NOS1AP: variants seen among roughly 807,000 people sequenced by gnomAD.
The protein encoded by NOS1AP is carboxyl-terminal PDZ ligand of neuronal nitric oxide synthase protein.
In NOS1AP, 21 loss-of-function variants were observed where a neutral mutation model predicts 56.2. The ratio of observed to expected loss-of-function variants is 0.37; its 90% CI spans 0.26 to 0.54. The LOEUF (loss-of-function observed/expected upper bound fraction) is 0.54. Among genes scored for constraint, NOS1AP ranks in the 20% least tolerant of loss-of-function variants. The pLI is 0.84. For synonymous variants in NOS1AP, 270 were observed against 274.6 expected, an observed-to-expected ratio of 0.98 and a Z score of 0.17; for missense variants, 522 against 657.8, an observed-to-expected ratio of 0.79 and a Z score of 2.26.
intron 2 of NOS1AP, among the ~76,000 whole-genome samples, chr1:162,254,204 A>G (rs1397262249): frequency 6.6e-6 from 1 of 152,204 alleles, no homozygotes; most frequent in Non-Finnish European, 1.5e-5. Context: ...TTCTTGGTCA[A>G]TGCCTATAGA....
At chr1:162,118,952 G>A (rs976889465) in intron 1 of NOS1AP, among the ~76,000 whole-genome samples, 2 of 152,082 alleles carry the variant, frequency 1.3e-5, no homozygotes, top group African/African-American at 4.8e-5. Context: ...ATTTCAGGGA[G>A]CCCATAGACC....
At chr1:162,137,444 C>A (rs996350943) in intron 1 of NOS1AP, among the ~76,000 whole-genome samples, 5 of 152,158 alleles carry the variant, frequency 3.3e-5, no homozygotes, top group Non-Finnish European at 7.3e-5. Flanking sequence ...TGGTACCCAT[C>A]ACCATGGTTT....
chr1:162,108,108 C>T (rs751351153), intron 1 of NOS1AP, among the ~76,000 whole-genome samples: 3 of 152,146 alleles, frequency 2.0e-5, no homozygotes, highest in South Asian at 2.1e-4. Context: ...ATGAGCATTC[C>T]TTGTGCCAGA....
At chr1:162,220,427 G>A (rs568620144) in intron 2 of NOS1AP, among the ~76,000 whole-genome samples, 28 of 152,266 alleles carry the variant, frequency 1.8e-4, no homozygotes, top group Non-Finnish European at 3.1e-4. Context: ...GAACACAGGT[G>A]TCCAGAGTGC....
chr1:162,256,263 TAC>T (rs896963664), intron 2 of NOS1AP, among the ~76,000 whole-genome samples: 93 of 152,314 alleles, frequency 6.1e-4, no homozygotes, highest in African/African-American at 2.2e-3. Context: ...CTGGCATTAT[TAC>T]AGAGTGTCTG....
intron 2 of NOS1AP, among the ~76,000 whole-genome samples, chr1:162,180,712 A>G (rs1651228722): frequency 6.6e-6 from 1 of 152,138 alleles, no homozygotes; most frequent in Non-Finnish European, 1.5e-5. Flanking sequence ...CCGGGAACTC[A>G]GTTCTGCCAA....
intron 1 of NOS1AP, among the ~76,000 whole-genome samples, chr1:162,125,130 C>CTTTTTTTTT (rs56264198): frequency 2.6e-4 from 32 of 124,136 alleles, no homozygotes; most frequent in African/African-American, 9.4e-4. Context: ...GTTTCTGACT[C>CTTTTTTTTT]TTTTTTTTTT....
rs983072601 is a variant in NOS1AP at position 162,177,287 on chromosome 1, C to T, written c.177+22811C>T. Among the ~76,000 whole-genome samples the T allele has an allele frequency of 2.4e-4, 37 of 152,166 alleles. 1 individual carries two copies. The highest frequency in any genetic ancestry group is 2.3e-3 in the Admixed American group (35 of 15,280). On this transcript the variant is annotated intron_variant, in intron 2 of 9. Coordinates refer to ENST00000361897, the MANE Select transcript of NOS1AP (RefSeq NM_014697.3). ...TTAATTAGGAACTTAACCCTGATTC[C>T]TGAAAGCAGTTTTCACGTGACTTTG...
chr1:162,366,994 C>T (rs1282486770), intron 9 of NOS1AP, 58 bp from the exon 10 acceptor site: 1 of 1,606,410 alleles, frequency 6.2e-7, no homozygotes, highest in Non-Finnish European at 8.5e-7. Flanking sequence ...AGGCGGGCAT[C>T]CCAAATCAAC....
intron 2 of NOS1AP, among the ~76,000 whole-genome samples, chr1:162,187,920 A>G (rs1400589683): frequency 6.6e-6 from 1 of 152,188 alleles, no homozygotes; most frequent in Non-Finnish European, 1.5e-5. Context: ...TCATGAGACC[A>G]TGTAGCAATC....
intron 2 of NOS1AP, among the ~76,000 whole-genome samples, chr1:162,233,924 T>A (rs1289146932): frequency 6.6e-6 from 1 of 152,252 alleles, no homozygotes; most frequent in East Asian, 1.9e-4. Flanking sequence ...TCTTTTTTCC[T>A]TTAAAATTCA....
intron 2 of NOS1AP, among the ~76,000 whole-genome samples, chr1:162,225,442 T>G (rs1240702046): frequency 2.6e-5 from 4 of 152,202 alleles, no homozygotes; most frequent in African/African-American, 9.7e-5. Context: ...TTCCTGCCTG[T>G]AAGATGGGTA....
At chr1:162,286,931 A>C (rs1349371224) in intron 2 of NOS1AP, among the ~76,000 whole-genome samples, 2 of 152,180 alleles carry the variant, frequency 1.3e-5, no homozygotes. Flanking sequence ...CCCTGATGTG[A>C]AGATTGGTTC....
chr1:162,168,010 A>AAAAC (rs1553192040), intron 2 of NOS1AP, among the ~76,000 whole-genome samples: 1 of 151,960 alleles, frequency 6.6e-6, no homozygotes, highest in African/African-American at 2.4e-5. Context: ...AAAAAAAAAA[A>AAAAC]AAATACCAGT....
At chr1:162,221,036 G>T (rs913340059) in intron 2 of NOS1AP, among the ~76,000 whole-genome samples, 2 of 152,126 alleles carry the variant, frequency 1.3e-5, no homozygotes, top group African/African-American at 4.8e-5. Flanking sequence ...CCACCTCTCG[G>T]GTTCAAGTGA....
intron 1 of NOS1AP, among the ~76,000 whole-genome samples, chr1:162,123,071 A>T (rs1262546637): frequency 1.3e-5 from 2 of 152,216 alleles, no homozygotes; most frequent in African/African-American, 4.8e-5. Context: ...TGAAATATTG[A>T]CTTTCTCCAG....
chr1:162,254,564 A>C (rs1323325447), intron 2 of NOS1AP, among the ~76,000 whole-genome samples: 1 of 152,184 alleles, frequency 6.6e-6, no homozygotes, highest in African/African-American at 2.4e-5. Flanking sequence ...TGGCCATTTT[A>C]GGGTAAGGAG....
chr1:162,293,270 G>T (rs763575102), intron 3 of NOS1AP, among the ~76,000 whole-genome samples: 3 of 151,418 alleles, frequency 2.0e-5, no homozygotes, highest in Non-Finnish European at 4.4e-5. Context: ...CTTGAATAAT[G>T]CTGCATGAAT....
At chr1:162,219,661 C>T (rs1412104272) in intron 2 of NOS1AP, among the ~76,000 whole-genome samples, 2 of 152,224 alleles carry the variant, frequency 1.3e-5, no homozygotes, top group Non-Finnish European at 2.9e-5. Context: ...GCTGTTGCCC[C>T]CACCAGGGTT....
Sources: gnomAD v4.1 joint callset for allele counts (sites outside exome capture counted in the v4.1 genomes callset) on GRCh38, gnomAD v4.1.1 for gene constraint, MANE v1.5 for transcripts, NCBI Gene and HGNC (gene_info 2026-07-23, HGNC 2026-07-21) for gene names.